KIF5C: variants seen among roughly 807,000 people sequenced by gnomAD.
The protein encoded by KIF5C is kinesin family member 5C, also known as kinesin heavy chain isoform 5C.
Under a neutral mutation model 125.2 loss-of-function variants are expected in KIF5C, and 18 were observed. That is an observed-to-expected ratio of 0.14 (90% confidence interval 0.10 to 0.21). KIF5C has a LOEUF of 0.21. KIF5C is among the 10% of genes least tolerant of loss of function. KIF5C has a pLI of 1.00. For synonymous variants in KIF5C, 405 were observed against 434.0 expected, an observed-to-expected ratio of 0.93 and a Z score of 0.83; for missense variants, 780 against 1,183.8, an observed-to-expected ratio of 0.66 and a Z score of 5.01.
At chr2:148,954,555 C>A (rs183142045) in intron 10 of KIF5C, among the ~76,000 whole-genome samples, 1 of 152,146 alleles carries the variant, frequency 6.6e-6, no homozygotes, top group Admixed American at 6.5e-5. Context: ...GGGGGCAGAC[C>A]AATGTGGTTA....
chr2:148,934,461 C>T (rs1282708616), intron 3 of KIF5C, among the ~76,000 whole-genome samples: 1 of 151,544 alleles, frequency 6.6e-6, no homozygotes. Context: ...CATACACACA[C>T]ACAGACACAC....
intron 1 of KIF5C, chr2:148,879,472 A>G (rs1681286756): frequency 6.6e-6 from 1 of 151,476 alleles, no homozygotes. Context: ...ATGATATAAG[A>G]AAATTGGGAA....
chr2:148,957,213 G>A lies in KIF5C; in HGVS notation c.969-4758G>A, dbSNP rs146170117. Among the ~76,000 whole-genome samples, 76 of 152,320 alleles carry A rather than the reference G, an allele frequency of 5.0e-4. No individual in the cohort carries two copies. In the East Asian group the frequency reaches 0.012, roughly 25 times the overall value. On this transcript the variant is annotated intron_variant, in intron 10 of 25. Coordinates refer to ENST00000435030, the MANE Select transcript of KIF5C (RefSeq NM_004522.3). ...ACGTGTGGGCCTGTGCCCAAGTTCCGGATCATGTTCACTGGCAGCCTCACG... is the reference window on the plus strand; with the variant it reads ...ACGTGTGGGCCTGTGCCCAAGTTCCAGATCATGTTCACTGGCAGCCTCACG...
At position 148,876,317 on chromosome 2, in the gene KIF5C, G is replaced by A. The variant is rs1210475307; in HGVS notation, c.126+574G>A. The stretch of plus-strand genomic sequence containing the variant: ...CTGGCTCCGCGCGCGGAAGGCGGAG[G>A]GTTGGGGGAGTACTGGTGGCCTCGG... On this transcript the variant is annotated intron_variant, in intron 1 of 25. Transcript: ENST00000435030. The surrounding 1 kb of genome is among the most constrained non-coding windows in gnomAD (Gnocchi z 4.7). Among the ~76,000 whole-genome samples the A allele has an allele frequency of 6.6e-6, 1 of 152,250 alleles. No individual in the cohort carries two copies. The highest frequency in any genetic ancestry group is 2.4e-5 in the African/African-American group (1 of 41,478).
At chr2:148,896,717 C>G (rs1213308209) in intron 1 of KIF5C, among the ~76,000 whole-genome samples, 1 of 152,202 alleles carries the variant, frequency 6.6e-6, no homozygotes, top group Non-Finnish European at 1.5e-5. Flanking sequence ...TTTTTGGTAA[C>G]TATCATCCTG....
intron 10 of KIF5C, among the ~76,000 whole-genome samples, chr2:148,961,203 A>T (rs55816231): frequency 0.2 from 29,933 of 152,174 alleles, 3,778 homozygotes; most frequent in South Asian, 0.3. Context: ...GGAGACACAA[A>T]TTAAAGAAAA....
chr2:149,014,324 C>T (rs138762476), intron 25 of KIF5C, among the ~76,000 whole-genome samples: 5 of 152,346 alleles, frequency 3.3e-5, no homozygotes, highest in Admixed American at 6.5e-5. Flanking sequence ...CTGCACCCAG[C>T]TGGCAATTTG....
rs191694238 is a variant in KIF5C, at chr2:148,909,377, C to T, written c.127-12760C>T. 8.5e-5 allele frequency among the ~76,000 whole-genome samples: 13 copies of T among 152,290 alleles called. 1 individual carries two copies. Among genetic ancestry groups the T allele is most frequent in the Admixed American group, 2.0e-4 (3 of 15,300 alleles). ...ATCCTGGGAGCCATCCTCCTTGACC[C>T]GCATATCACAACACTCAGAGGAGTC... On this transcript the variant is annotated intron_variant, in intron 1 of 25. Coordinates refer to ENST00000435030, the MANE Select transcript of KIF5C (RefSeq NM_004522.3).
Position 149,011,574 on chromosome 2 carries a change from G to A in KIF5C, c.2772G>A (p.Lys924=), listed in dbSNP as rs1335876090. 1 of 1,614,012 alleles carries A rather than the reference G, an allele frequency of 6.2e-7. No homozygotes were observed. The highest frequency in any genetic ancestry group is 1.1e-5 in the South Asian group (1 of 91,086). The change falls in exon 25 of 26, where the codon AAG becomes AAA. Residue 924 remains lysine, a synonymous_variant. Coordinates refer to ENST00000435030, the MANE Select transcript of KIF5C (RefSeq NM_004522.3). ...ARRAHSAQIA[K]PIRPGHYPAS... Reference sequence around the variant, plus strand: ...CTTTCTGTTGGTTGGATACAGCCAAGCCCATCCGCCCCGGACACTACCCGG... The same window carrying A: ...CTTTCTGTTGGTTGGATACAGCCAAACCCATCCGCCCCGGACACTACCCGG...
At chr2:148,978,147 C>G (rs1268124023) in intron 12 of KIF5C, among the ~76,000 whole-genome samples, 1 of 152,062 alleles carries the variant, frequency 6.6e-6, no homozygotes, top group African/African-American at 2.4e-5. Flanking sequence ...CTGCCTGCTG[C>G]TTTGCCTGCA....
intron 3 of KIF5C, among the ~76,000 whole-genome samples, chr2:148,934,116 T>C (rs1264677725): frequency 6.8e-6 from 1 of 146,444 alleles, no homozygotes; most frequent in African/African-American, 2.6e-5. Flanking sequence ...ACACACCACA[T>C]AACATACTGC....
intron 21 of KIF5C, among the ~76,000 whole-genome samples, chr2:149,002,500 C>T (rs1681880503): frequency 6.6e-6 from 1 of 152,226 alleles, no homozygotes; most frequent in Non-Finnish European, 1.5e-5. Context: ...CACTCTTGCT[C>T]ACACACAGAA....
intron 1 of KIF5C, among the ~76,000 whole-genome samples, chr2:148,881,886 G>A (rs1422054684): frequency 6.6e-6 from 1 of 152,040 alleles, no homozygotes; most frequent in Non-Finnish European, 1.5e-5. Context: ...GTAAAAAAAA[G>A]CAAAAACAAA....
At position 149,000,631 on chromosome 2, in the gene KIF5C, G is replaced by A. The variant is rs990662769; in HGVS notation, c.2313-91G>A. 1.9e-6 allele frequency: 3 copies of A among 1,587,990 alleles called. No individual in the cohort carries two copies. The African/African-American group carries it at 4.1e-5, about 21-fold the overall frequency. ...AATGGCTATTTGTGTGCTTGTTGGT[G>A]GGTTTTGTTGATTTATCTGTGGATG... On this transcript the variant is annotated intron_variant, in intron 20 of 25. Transcript: ENST00000435030.
At chr2:148,878,521 A>G (rs1178403229) in intron 1 of KIF5C, 1 of 152,198 alleles carries the variant, frequency 6.6e-6, no homozygotes, top group Non-Finnish European at 1.5e-5. Context: ...TCGTTTATGT[A>G]TATTTTGGTG....
intron 15 of KIF5C, 37 bp downstream of exon 15, chr2:148,983,803 C>G: frequency 6.4e-7 from 1 of 1,553,308 alleles, no homozygotes; most frequent in Non-Finnish European, 8.7e-7. Context: ...CTACCTGCTC[C>G]TGTCAAGTTA....
chr2:149,020,294 A>G (rs1436640823), intron 25 of KIF5C: 1 of 152,146 alleles, frequency 6.6e-6, no homozygotes, highest in African/African-American at 2.4e-5. Context: ...TTAACTGGGG[A>G]TGAAGAGGAA....
intron 11 of KIF5C, among the ~76,000 whole-genome samples, chr2:148,969,249 G>A (rs1452672699): frequency 6.6e-6 from 1 of 152,130 alleles, no homozygotes; most frequent in Non-Finnish European, 1.5e-5. Context: ...TTGTAGAAAT[G>A]TTATTTACGC....
intron 22 of KIF5C, 91 bp downstream of exon 22, chr2:149,005,555 G>A (rs1439763013): frequency 1.2e-5 from 19 of 1,540,762 alleles, no homozygotes; most frequent in South Asian, 3.6e-5. Context: ...TGCTTAAGTC[G>A]GGGCTGGTTA....
Sources: gnomAD v4.1 joint callset for allele counts (sites outside exome capture counted in the v4.1 genomes callset) on GRCh38, gnomAD v4.1.1 for gene constraint, Gnocchi (gnomAD v3.1) non-coding constraint, MANE v1.5 for transcripts, NCBI Gene and HGNC (gene_info 2026-07-23, HGNC 2026-07-21) for gene names.